Variants in ABR observed in about 807,000 individuals in gnomAD.
ABR encodes ABR activator of RhoGEF and GTPase, also known as active breakpoint cluster region-related protein.
A neutral mutation model predicts 107.2 loss-of-function variants in ABR; 35 were observed. The observed-to-expected ratio is 0.33, with a 90% CI of 0.25 to 0.43. ABR has a LOEUF of 0.43. ABR is among the 20% of genes least tolerant of loss of function. The pLI, the probability that ABR is intolerant of heterozygous loss-of-function variation, is 1.00. For synonymous variants in ABR, 498 were observed against 462.0 expected, an observed-to-expected ratio of 1.08 and a Z score of -1.00; for missense variants, 815 against 1,115.2, an observed-to-expected ratio of 0.73 and a Z score of 3.83.
intron 2 of ABR, chr17:1,109,054 C>T (rs1425321373): frequency 1.3e-6 from 2 of 1,595,092 alleles, no homozygotes; most frequent in Non-Finnish European, 1.7e-6. Context: ...CTATCGCCTC[C>T]TCTTCCTCCT....
At position 1,057,062 on chromosome 17, in the gene ABR, C is replaced by T; in HGVS notation, c.1422G>A (p.Val474=). The T allele has an allele frequency of 1.2e-6, 2 of 1,612,860 alleles. No individual in the cohort carries two copies. The highest frequency in any genetic ancestry group is 1.7e-6 in the Non-Finnish European group (2 of 1,179,178). ...TAAGCTTGAAACAGGATCCTGTGAGCACCTGGAGCTCCACTGAGCTCAGGA... is the reference window on the plus strand; with the variant it reads ...TAAGCTTGAAACAGGATCCTGTGAGTACCTGGAGCTCCACTGAGCTCAGGA... ...AFVLSSVELQ[V]LTGSCFKLRT... is the part of the protein sequence containing the mutation. The change falls in exon 13 of 23, where the codon GTG becomes GTA. Residue 474 remains valine (V), a synonymous_variant. Coordinates refer to ENST00000302538, the MANE Select transcript of ABR (RefSeq NM_021962.5).
At chr17:1,075,641 C>T (rs1379437804) in intron 6 of ABR, among the ~76,000 whole-genome samples, 1 of 152,190 alleles carries the variant, frequency 6.6e-6, no homozygotes, top group Non-Finnish European at 1.5e-5. Context: ...ACCACAAGGG[C>T]CATCAGCATT....
rs979246972 is a variant in ABR, at chr17:1,010,455, T to C, written c.2236+274A>G. ...GGCAGTCTTCCCTGGATGCTCGAGC[T>C]TCCAAGCAAGAGGCCAACGTCCAAA... On this transcript the variant is annotated intron_variant, in intron 20 of 22. Coordinates refer to ENST00000302538, the MANE Select transcript of ABR (RefSeq NM_021962.5). This position sits in a 1 kb window ranked among gnomAD's most constrained non-coding sequence, Gnocchi z 4.1. 27 of 474,952 alleles carry C rather than the reference T, an allele frequency of 5.7e-5. No individual in the cohort carries two copies. Among genetic ancestry groups the C allele is most frequent in the Non-Finnish European group, 8.8e-5 (23 of 261,332 alleles). The allele number at this position is 474,952 out of a possible 1,614,324, so 29.4% of individuals were successfully genotyped here.
At chr17:1,093,469 CA>C (rs2151304884) in intron 3 of ABR, among the ~76,000 whole-genome samples, 1 of 152,006 alleles carries the variant, frequency 6.6e-6, no homozygotes, top group African/African-American at 2.4e-5. Flanking sequence ...ACTCTGTCTC[CA>C]AAAACAAAAA....
intron 1 of ABR, among the ~76,000 whole-genome samples, chr17:1,227,247 A>T (rs2043239280): frequency 6.6e-6 from 1 of 151,808 alleles, no homozygotes; most frequent in Non-Finnish European, 1.5e-5. Flanking sequence ...AATAAAAATC[A>T]CTCCCTGGGA....
intron 1 of ABR, among the ~76,000 whole-genome samples, chr17:1,216,871 C>T (rs762727779): frequency 6.6e-6 from 1 of 152,168 alleles, no homozygotes; most frequent in Non-Finnish European, 1.5e-5. Context: ...CCAACAAGCT[C>T]GGCATTCAGG....
intron 1 of ABR, among the ~76,000 whole-genome samples, chr17:1,192,822 G>A (rs918415179): frequency 4.6e-5 from 7 of 152,206 alleles, no homozygotes; most frequent in African/African-American, 1.7e-4. Flanking sequence ...GCTGAGGCAG[G>A]TGGATCACCT....
upstream of ABR, among the ~76,000 whole-genome samples, chr17:1,182,873 C>G (rs536480589): frequency 6.6e-6 from 1 of 152,266 alleles, no homozygotes; most frequent in Non-Finnish European, 1.5e-5. Context: ...TCCCTTGATG[C>G]CTTTGTTGGA....
At chr17:1,100,468 C>A (rs2037788682) in intron 3 of ABR, among the ~76,000 whole-genome samples, 169 bp downstream of exon 3, 1 of 152,246 alleles carries the variant, frequency 6.6e-6, no homozygotes, top group Non-Finnish European at 1.5e-5. Context: ...CTGGCAATGA[C>A]CCGGGCTGCC....
At chr17:1,162,820 T>C (rs1303318037) in intron 1 of ABR, among the ~76,000 whole-genome samples, 1 of 152,184 alleles carries the variant, frequency 6.6e-6, no homozygotes, top group Admixed American at 6.6e-5. Context: ...ACACCTGTCA[T>C]CCCAGCACTT....
In ABR at chr17:1,008,036, T is replaced by G. The variant is rs139559952; in HGVS notation, c.2343-724A>C. 2.4e-3 allele frequency among the ~76,000 whole-genome samples: 362 copies of G among 152,252 alleles called. 1 individual carries two copies. Among genetic ancestry groups the G allele is most frequent in the Non-Finnish European group, 3.5e-3 (235 of 67,984 alleles). ...TCGTGGGACCCAGGGCTTCCTCTTG[T>G]GCCTCTCCGGAAGGGTCTGCCTCAT... is the stretch of plus-strand genomic sequence containing the variant. On this transcript the variant is annotated intron_variant, in intron 21 of 22. Transcript: ENST00000302538.
intron 2 of ABR, among the ~76,000 whole-genome samples, chr17:1,121,995 C>A (rs977330778): frequency 1.7e-4 from 26 of 152,194 alleles, no homozygotes; most frequent in Non-Finnish European, 3.1e-4. Context: ...TTCCACCTCC[C>A]AGGTTCAAGT....
chr17:1,191,138 C>T (rs1215365172), upstream of ABR, among the ~76,000 whole-genome samples: 1 of 152,068 alleles, frequency 6.6e-6, no homozygotes, highest in African/African-American at 2.4e-5. Flanking sequence ...TCCATGTTCC[C>T]GTCACCAAAA....
chr17:1,138,671 G>T (rs1329869129), intron 1 of ABR, among the ~76,000 whole-genome samples: 1 of 152,018 alleles, frequency 6.6e-6, no homozygotes, highest in African/African-American at 2.4e-5. Context: ...TAGACACAGG[G>T]TCTTGCTATG....
intron 1 of ABR, among the ~76,000 whole-genome samples, chr17:1,170,108 AGACC>A (rs969052366): frequency 6.6e-6 from 1 of 152,094 alleles, no homozygotes; most frequent in African/African-American, 2.4e-5. Flanking sequence ...GCCCATGAGG[AGACC>A]TCCTTAGGCT....
intron 16 of ABR, among the ~76,000 whole-genome samples, chr17:1,035,889 T>A (rs745847296): frequency 5.4e-4 from 81 of 150,760 alleles, no homozygotes; most frequent in Non-Finnish European, 7.2e-4. Context: ...AGCACAGCTG[T>A]GACTGAGGTA....
intron 16 of ABR, 35 bp from the exon 17 acceptor site, chr17:1,013,199 G>A (rs780610506): frequency 1.9e-6 from 3 of 1,604,266 alleles, no homozygotes; most frequent in Admixed American, 1.7e-5. Context: ...AGAGGTGCCA[G>A]CTCGGAGGCC....
chr17:1,083,493 A>C (rs373970775), intron 5 of ABR, 27 bp downstream of exon 5: 51 of 1,545,224 alleles, frequency 3.3e-5, no homozygotes, highest in Admixed American at 5.4e-5. Context: ...CTTGTCCCTC[A>C]GGGTGGCTAT....
intron 5 of ABR, among the ~76,000 whole-genome samples, chr17:1,081,439 G>A (rs886692515): frequency 3.3e-5 from 5 of 152,154 alleles, no homozygotes; most frequent in African/African-American, 1.2e-4. Flanking sequence ...CCCAGGCAGA[G>A]GGTGACACAT....
Sources: gnomAD v4.1 joint callset for allele counts (sites outside exome capture counted in the v4.1 genomes callset) on GRCh38, gnomAD v4.1.1 for gene constraint, Gnocchi (gnomAD v3.1) non-coding constraint, MANE v1.5 for transcripts, NCBI Gene and HGNC (gene_info 2026-07-23, HGNC 2026-07-21) for gene names.